The following PCDHGB2 variants were observed in gnomAD, a reference collection of about 807,000 sequenced individuals.
The protein encoded by PCDHGB2 is protocadherin gamma-B2.
In PCDHGB2, 55 loss-of-function variants were observed where a neutral mutation model predicts 59.3. The ratio of observed to expected loss-of-function variants is 0.93; its 90% CI spans 0.75 to 1.16. The LOEUF is 1.16. PCDHGB2 is among the 50% of genes most tolerant of loss of function. The pLI, the probability that PCDHGB2 is intolerant of heterozygous loss-of-function variation, is 0.00. For synonymous variants in PCDHGB2, 516 were observed against 512.0 expected (o/e 1.01, Z -0.11); for missense variants, 1,228 against 1,198.5 (o/e 1.02, Z -0.36).
intron 1 of PCDHGB2, chr5:141,427,848 C>A: frequency 6.4e-7 from 1 of 1,551,668 alleles, no homozygotes; most frequent in Non-Finnish European, 8.8e-7. Flanking sequence ...CGACCACGAG[C>A]AGCTGTGCGC....
chr5:141,376,545 A>T, intron 1 of PCDHGB2: 2 of 1,612,680 alleles, frequency 1.2e-6, no homozygotes, highest in Non-Finnish European at 8.5e-7. Flanking sequence ...GAGTAATCTG[A>T]TCTTCCCGCA....
chr5:141,484,068 G>C (rs1287427208), intron 1 of PCDHGB2, among the ~76,000 whole-genome samples: 1 of 152,114 alleles, frequency 6.6e-6, no homozygotes, highest in African/African-American at 2.4e-5. Flanking sequence ...TAAGTGAAAA[G>C]CTTGCTCTTT....
rs144018757 is a variant in PCDHGB2, at chr5:141,443,001, A to G, written c.2422-51806A>G. On this transcript the variant is annotated intron_variant, in intron 1 of 3. Transcript: ENST00000522605. ...GTTAGCCTATAATTTCAGTAAATCTAAGAATATGACTAATGGAAGTTGCCA... is the reference window on the plus strand; with the variant it reads ...GTTAGCCTATAATTTCAGTAAATCTGAGAATATGACTAATGGAAGTTGCCA... Among the ~76,000 whole-genome samples the G allele has an allele frequency of 1.3e-3, 194 of 152,312 alleles. 1 individual carries two copies. The East Asian group carries it at 0.032, about 25-fold the overall frequency.
At chr5:141,405,978 T>G (rs1280230437) in intron 1 of PCDHGB2, among the ~76,000 whole-genome samples, 1 of 152,144 alleles carries the variant, frequency 6.6e-6, no homozygotes, top group Non-Finnish European at 1.5e-5. Context: ...TAAACCATAC[T>G]TCATGGGGTA....
At position 141,432,900 on chromosome 5, in the gene PCDHGB2, T is replaced by A. The variant is rs139221180; in HGVS notation, c.2422-61907T>A. ...GCCTTCGTCATCTTGCTGCTGGCGCTCAGGCTGCGGCGCTGGCACAAGTCA... is the reference window on the plus strand; with the variant it reads ...GCCTTCGTCATCTTGCTGCTGGCGCACAGGCTGCGGCGCTGGCACAAGTCA... On this transcript the variant is annotated intron_variant, in intron 1 of 3. Transcript: ENST00000522605. The surrounding 1 kb of genome is among the most constrained non-coding windows in gnomAD (Gnocchi z 6.0). The A allele has an allele frequency of 7.9e-5, 128 of 1,614,174 alleles. No homozygotes were observed. The highest frequency in any genetic ancestry group is 7.4e-4 in the East Asian group (33 of 44,868).
chr5:141,461,732 A>G (rs945368729), intron 1 of PCDHGB2, among the ~76,000 whole-genome samples: 5 of 152,154 alleles, frequency 3.3e-5, no homozygotes, highest in Non-Finnish European at 5.9e-5. Context: ...GTGCAGTGGC[A>G]CAATCCCGGC....
intron 1 of PCDHGB2, chr5:141,388,882 T>C (rs1038312572): frequency 6.2e-7 from 1 of 1,613,800 alleles, no homozygotes; most frequent in Non-Finnish European, 8.5e-7. Context: ...ACAGTGGAGG[T>C]AGAAGTCATA....
At chr5:141,420,223 G>A in intron 1 of PCDHGB2, 2 of 1,604,640 alleles carry the variant, frequency 1.2e-6, no homozygotes, top group Non-Finnish European at 1.7e-6. Context: ...GCATGCTACT[G>A]GCTAGCATTT....
chr5:141,433,115 G>T, intron 1 of PCDHGB2: 1 of 1,613,762 alleles, frequency 6.2e-7, no homozygotes, highest in Non-Finnish European at 8.5e-7. Context: ...GGAGAGCTTT[G>T]AAAAAAGCGA....
intron 1 of PCDHGB2, chr5:141,409,404 A>T: frequency 5.0e-6 from 8 of 1,614,046 alleles, no homozygotes; most frequent in Non-Finnish European, 6.8e-6. Flanking sequence ...TCCAATAACT[A>T]CTACAAACTG....
rs192747939 is a variant in PCDHGB2 at position 141,487,483 on chromosome 5, T to C, written c.2422-7324T>C. 12 of 1,614,224 alleles carry C rather than the reference T, an allele frequency of 7.4e-6. No individual in the cohort carries two copies. In the Admixed American group the frequency reaches 1.8e-4, roughly 25 times the overall value. On this transcript the variant is annotated intron_variant, in intron 1 of 3. Coordinates refer to ENST00000522605, the MANE Select transcript of PCDHGB2 (RefSeq NM_018923.3). This position sits in a 1 kb window ranked among gnomAD's most constrained non-coding sequence, Gnocchi z 5.0. ...TTGTTGATGTGGGAGGCCACTCTCA[T>C]GGCTGTACACCCTTGGCTTCTGCAC... is the stretch of plus-strand genomic sequence containing the variant.
Position 141,361,067 on chromosome 5 carries a change from T to C in PCDHGB2, c.932T>C (p.Ile311Thr), listed in dbSNP as rs372172777. The change falls in exon 1 of 4, where the codon ATT becomes ACT. Residue 311 changes from isoleucine (I) to threonine (T), a missense_variant. By Grantham distance (89) the Ile-to-Thr change is moderately conservative. Around this residue, in one of 3 missense-constraint regions of PCDHGB2, gnomAD observed 781 missense variants for 721.6 expected, o/e 1.08. Transcript: ENST00000522605. ...ACAAAGGATGATTTGGATTTTGAGA[T>C]TGCAAGTAGTTACACTCTGAGTATC... ...ITTKDDLDFE[I>T]ASSYTLSIEA... is the part of the protein sequence containing the mutation. 4.3e-6 allele frequency: 7 copies of C among 1,613,804 alleles called. 1 individual carries two copies. In the South Asian group the frequency reaches 5.5e-5, roughly 13 times the overall value.
intron 1 of PCDHGB2, chr5:141,421,647 G>A: frequency 6.2e-7 from 1 of 1,613,872 alleles, no homozygotes; most frequent in Non-Finnish European, 8.5e-7. Context: ...ACGAAGTGGA[G>A]ATAAAAGTCA....
At position 141,477,210 on chromosome 5, in the gene PCDHGB2, C is replaced by A. The variant is rs780852225; in HGVS notation, c.2422-17597C>A. On this transcript the variant is annotated intron_variant, in intron 1 of 3. Transcript: ENST00000522605. This position sits in a 1 kb window ranked among gnomAD's most constrained non-coding sequence, Gnocchi z 4.9. ...GTGTACAGCCCAGTACCCGAGGATG[C>A]CCCTCTGGGGACTGTCATCGCTTTG... The A allele has an allele frequency of 6.2e-7, 1 of 1,614,142 alleles. No homozygotes were observed. The highest frequency in any genetic ancestry group is 8.5e-7 in the Non-Finnish European group (1 of 1,180,030).
chr5:141,406,186 C>T (rs1263856724), intron 1 of PCDHGB2, among the ~76,000 whole-genome samples: 2 of 151,978 alleles, frequency 1.3e-5, no homozygotes, highest in South Asian at 2.1e-4. Context: ...AATCCTCCCA[C>T]CTCAGCCTTC....
intron 1 of PCDHGB2, among the ~76,000 whole-genome samples, chr5:141,387,440 A>T (rs2090946110): frequency 6.6e-6 from 1 of 152,240 alleles, no homozygotes; most frequent in East Asian, 1.9e-4. Context: ...TATGTACTTA[A>T]TCTACATGAT....
chr5:141,409,415 G>C, intron 1 of PCDHGB2: 1 of 1,614,008 alleles, frequency 6.2e-7, no homozygotes. Context: ...CTACAAACTG[G>C]TGACAGATGG....
Position 141,489,629 on chromosome 5 carries a change from C to T in PCDHGB2, c.2422-5178C>T. Reference sequence around the variant, plus strand: ...GAGATCCTGGATCTCAATGACAACTCTCCTAGCTTTGCCACCCCTGAGCGA... The same window carrying T: ...GAGATCCTGGATCTCAATGACAACTTTCCTAGCTTTGCCACCCCTGAGCGA... On this transcript the variant is annotated intron_variant, in intron 1 of 3. Transcript: ENST00000522605. This position sits in a 1 kb window ranked among gnomAD's most constrained non-coding sequence, Gnocchi z 4.5. 6.2e-7 allele frequency: 1 copy of T among 1,614,142 alleles called. No homozygotes were observed. The highest frequency in any genetic ancestry group is 1.7e-5 in the Admixed American group (1 of 60,032).
At chr5:141,370,138 G>C in intron 1 of PCDHGB2, 1 of 413,176 alleles carries the variant, frequency 2.4e-6, no homozygotes, top group Non-Finnish European at 4.3e-6. Flanking sequence ...AGCTGATTTA[G>C]TCACCATTAC....
Sources: gnomAD v4.1 joint callset for allele counts (sites outside exome capture counted in the v4.1 genomes callset) on GRCh38, gnomAD v4.1.1 for gene constraint, gnomAD v4.1.1 regional missense constraint, Gnocchi (gnomAD v3.1) non-coding constraint, MANE v1.5 for transcripts, NCBI Gene and HGNC (gene_info 2026-07-23, HGNC 2026-07-21) for gene names.